PBX3: variants seen among roughly 807,000 people sequenced by gnomAD.
PBX3 encodes pre-B-cell leukemia transcription factor 3.
PBX3 carries 14 observed loss-of-function variants against 48.5 expected under a neutral mutation model. The observed-to-expected ratio is 0.29, with a 90% confidence interval of 0.19 to 0.45. The LOEUF is 0.45. PBX3 is among the 20% of genes least tolerant of loss of function. PBX3 has a pLI of 1.00. For synonymous variants in PBX3, 210 were observed against 200.3 expected (o/e 1.05, Z -0.41); for missense variants, 386 against 546.7 (o/e 0.71, Z 2.93).
At chr9:125,752,561 C>CA (rs1183647276) in intron 2 of PBX3, among the ~76,000 whole-genome samples, 4 of 151,300 alleles carry the variant, frequency 2.6e-5, no homozygotes, top group Non-Finnish European at 4.4e-5. Flanking sequence ...AGAGACAAGG[C>CA]AGTACTGTCA....
chr9:125,776,881 T>G (rs1213313578), intron 2 of PBX3, among the ~76,000 whole-genome samples: 1 of 152,164 alleles, frequency 6.6e-6, no homozygotes, highest in African/African-American at 2.4e-5. Flanking sequence ...TGGAATCAGA[T>G]AGAAGTATTG....
chr9:125,800,215 A>G (rs1471650904), intron 2 of PBX3, among the ~76,000 whole-genome samples: 1 of 152,214 alleles, frequency 6.6e-6, no homozygotes, highest in Non-Finnish European at 1.5e-5. Context: ...TCTACTGAAA[A>G]GATAAGTAAG....
intron 6 of PBX3, 55 bp from the exon 7 acceptor site, chr9:125,962,047 G>A: frequency 1.1e-6 from 1 of 870,194 alleles, no homozygotes; most frequent in Admixed American, 1.8e-5. Flanking sequence ...CTAGGTCTTT[G>A]AGGATTATGT....
rs929912366 is a variant in PBX3, at chr9:125,774,875, C to CT, written c.274+26266dup. 8.8e-3 allele frequency among the ~76,000 whole-genome samples: 1,245 copies of CT among 141,628 alleles called. 16 individuals are homozygous for CT. Among genetic ancestry groups the CT allele is most frequent in the Non-Finnish European group, 0.01 (664 of 64,234 alleles). The allele number at this position is 141,628 out of a possible 152,430, so 92.9% of individuals were successfully genotyped here. A position where few individuals can be genotyped will look rare whatever the true frequency, so the allele number is the denominator to read the frequency against. On this transcript the variant is annotated intron_variant, in intron 2 of 8. Coordinates refer to ENST00000373489, the MANE Select transcript of PBX3 (RefSeq NM_006195.6). ...ACAGCCATGTACAGGGTTCCAGTTT[C>CT]TTTTTTTTTTTTTTAAGACAGAGTC... is the stretch of plus-strand genomic sequence containing the variant.
chr9:125,966,009 C>A lies in PBX3; in HGVS notation c.*86C>A. 1.1e-6 allele frequency: 1 copy of A among 881,750 alleles called. No homozygotes were observed. The highest frequency in any genetic ancestry group is 1.9e-6 in the Non-Finnish European group (1 of 531,780). The allele number at this position is 881,750 out of a possible 1,614,324, so 54.6% of individuals were successfully genotyped here. A position where few individuals can be genotyped will look rare whatever the true frequency, so the allele number is the denominator to read the frequency against. The stretch of plus-strand genomic sequence containing the variant: ...GGAAAAGGAAAGCGTTTTTGTAGCC[C>A]ACCATCTACAGCTTTACTGTAAAAC... On this transcript the variant is annotated 3_prime_UTR_variant, in exon 9 of 9. Coordinates refer to ENST00000373489, the MANE Select transcript of PBX3 (RefSeq NM_006195.6).
At chr9:125,890,610 G>T (rs1175745656) in intron 2 of PBX3, among the ~76,000 whole-genome samples, 1 of 152,198 alleles carries the variant, frequency 6.6e-6, no homozygotes, top group Non-Finnish European at 1.5e-5. Flanking sequence ...CTCTAGTCAA[G>T]AAATATTGGG....
At chr9:125,887,689 G>C in intron 2 of PBX3, among the ~76,000 whole-genome samples, 1 of 151,816 alleles carries the variant, frequency 6.6e-6, no homozygotes, top group Admixed American at 6.6e-5. Flanking sequence ...TCCTAAATTT[G>C]GTATCTTTTT....
chr9:125,963,381 A>C (rs529296212), intron 8 of PBX3, among the ~76,000 whole-genome samples: 14 of 152,302 alleles, frequency 9.2e-5, no homozygotes, highest in Middle Eastern at 3.4e-3. Flanking sequence ...GCTGTGCTCC[A>C]GGGAGACGGT....
At chr9:125,779,370 A>G (rs1046032990) in intron 2 of PBX3, among the ~76,000 whole-genome samples, 1 of 137,986 alleles carries the variant, frequency 7.2e-6, no homozygotes, top group Non-Finnish European at 1.5e-5. Context: ...CAAGTGAACA[A>G]AGGTCTCTGG....
intron 2 of PBX3, among the ~76,000 whole-genome samples, chr9:125,763,901 ATTT>A (rs1373326717): frequency 6.6e-6 from 1 of 152,132 alleles, no homozygotes; most frequent in Non-Finnish European, 1.5e-5. Flanking sequence ...GATTAGATAG[ATTT>A]TTTTGTGGAA....
intron 5 of PBX3, among the ~76,000 whole-genome samples, chr9:125,942,414 C>T (rs1483073449): frequency 3.3e-5 from 5 of 152,072 alleles, no homozygotes; most frequent in African/African-American, 4.8e-5. Context: ...GGTCTCTTTA[C>T]TCATTAAACT....
chr9:125,830,338 C>A (rs934212022), intron 2 of PBX3, among the ~76,000 whole-genome samples: 3 of 151,904 alleles, frequency 2.0e-5, no homozygotes, highest in African/African-American at 4.8e-5. Flanking sequence ...ATTATAGATA[C>A]AATATTGATA....
At chr9:125,813,422 G>A (rs1373028325) in intron 2 of PBX3, among the ~76,000 whole-genome samples, 4 of 152,130 alleles carry the variant, frequency 2.6e-5, no homozygotes, top group African/African-American at 9.7e-5. Flanking sequence ...GTGGTCCATG[G>A]TTGACCAAAA....
At chr9:125,913,952 A>T (rs1841265167) in intron 2 of PBX3, among the ~76,000 whole-genome samples, 1 of 152,220 alleles carries the variant, frequency 6.6e-6, no homozygotes, top group African/African-American at 2.4e-5. Flanking sequence ...TGCATGCCAA[A>T]TGCACAAAAA....
chr9:125,846,296 A>G (rs2132245519), intron 2 of PBX3, among the ~76,000 whole-genome samples: 1 of 152,214 alleles, frequency 6.6e-6, no homozygotes, highest in Non-Finnish European at 1.5e-5. Context: ...AACTTCAGAC[A>G]TTGCCAAAAT....
intron 8 of PBX3, among the ~76,000 whole-genome samples, chr9:125,964,187 C>G (rs1302223048): frequency 1.3e-5 from 2 of 152,054 alleles, no homozygotes; most frequent in Non-Finnish European, 1.5e-5. Flanking sequence ...TGCATAATCT[C>G]AAACCACCAG....
intron 2 of PBX3, among the ~76,000 whole-genome samples, chr9:125,893,440 C>T (rs949336407): frequency 6.6e-6 from 1 of 152,202 alleles, no homozygotes; most frequent in Non-Finnish European, 1.5e-5. Context: ...TGGAGTACTA[C>T]TGGGCTGTGC....
At chr9:125,883,588 C>T (rs1840430716) in intron 2 of PBX3, among the ~76,000 whole-genome samples, 1 of 151,428 alleles carries the variant, frequency 6.6e-6, no homozygotes, top group Non-Finnish European at 1.5e-5. Context: ...AGTTGCGTAG[C>T]CAATCTCTTG....
intron 2 of PBX3, among the ~76,000 whole-genome samples, chr9:125,762,404 T>C (rs1259681373): frequency 2.0e-5 from 3 of 152,206 alleles, no homozygotes; most frequent in African/African-American, 4.8e-5. Context: ...GTTATTTTTT[T>C]CCCTTTAAGA....
Sources: allele counts gnomAD v4.1 joint callset (sites outside exome capture counted in the v4.1 genomes callset), GRCh38; gene constraint gnomAD v4.1.1; transcripts MANE v1.5; gene names NCBI Gene and HGNC (gene_info 2026-07-23, HGNC 2026-07-21).